Variants in LMCD1 observed in about 807,000 individuals in gnomAD.
LMCD1 encodes LIM and cysteine rich domains 1, also known as LIM and cysteine-rich domains protein 1.
In LMCD1, 32 loss-of-function variants were observed where a neutral mutation model predicts 42.7. The ratio of observed to expected loss-of-function variants is 0.75; its 90% CI spans 0.57 to 1.01. LMCD1 has a LOEUF of 1.01. Among genes scored for constraint, LMCD1 ranks in the 50% least tolerant of loss-of-function variants. The probability of loss-of-function intolerance (pLI) is 0.00; values close to 1 mark genes in which losing one functional copy is unlikely to be tolerated. For synonymous variants in LMCD1, 178 were observed against 184.9 expected (o/e 0.96, Z 0.30); for missense variants, 458 against 483.1 (o/e 0.95, Z 0.49).
At position 8,516,591 on chromosome 3, in the gene LMCD1, T is replaced by TA. The variant is rs112341331; in HGVS notation, c.42+14621dup. ...TGAAAACTTAGAGTTGGCACTCCTT[T>TA]AAAAAAAAAATGCTTAATATCAGCA... On this transcript the variant is annotated intron_variant, in intron 1 of 5. Coordinates refer to ENST00000157600, the MANE Select transcript of LMCD1 (RefSeq NM_014583.4). Among the ~76,000 whole-genome samples the TA allele has an allele frequency of 3.1e-4, 46 of 149,490 alleles. 1 individual carries two copies. The highest frequency in any genetic ancestry group is 6.8e-3 in the Middle Eastern group (2 of 292).
rs1266182927 is a variant in LMCD1 at position 8,569,501 on chromosome 3, A to G, written c.*1903A>G. 6.6e-6 allele frequency: 1 copy of G among 152,214 alleles called. No homozygotes were observed. Among genetic ancestry groups the G allele is most frequent in the Non-Finnish European group, 1.5e-5 (1 of 68,044 alleles). The allele number at this position is 152,214 out of a possible 1,614,324, so 9.4% of individuals were successfully genotyped here. ...AGGGGATGCGGGGTGCACAAAAAGA[A>G]CAGTGACCCCTACGCCCATAGATGT... On this transcript the variant is annotated 3_prime_UTR_variant, in exon 6 of 6. Coordinates refer to ENST00000157600, the MANE Select transcript of LMCD1 (RefSeq NM_014583.4).
rs528780829 is a variant in LMCD1 at position 8,565,611 on chromosome 3, C to G, written c.903C>G (p.Cys301Trp). 11 of 1,611,128 alleles carry G rather than the reference C, an allele frequency of 6.8e-6. No homozygotes were observed. The African/African-American group carries it at 1.3e-4, about 20-fold the overall frequency. The change falls in exon 5 of 6, where the codon TGC (cysteine) becomes TGG (tryptophan). Residue 301 changes from cysteine to tryptophan, a missense_variant. By Grantham distance (215) the Cys-to-Trp change is radical. Coordinates refer to ENST00000157600, the MANE Select transcript of LMCD1 (RefSeq NM_014583.4). Reference sequence around the variant, plus strand: ...CACCCTGGTGCGGCCGCCATTACTGCGAGAGTCTGCGGCCCCGGTGCTCCG... The same window carrying G: ...CACCCTGGTGCGGCCGCCATTACTGGGAGAGTCTGCGGCCCCGGTGCTCCG... ...DGAPWCGRHY[C>W]ESLRPRCSGC...
At chr3:8,513,417 G>T (rs756266002) in intron 1 of LMCD1, among the ~76,000 whole-genome samples, 1 of 152,108 alleles carries the variant, frequency 6.6e-6, no homozygotes, top group African/African-American at 2.4e-5. Flanking sequence ...CCTCACTCAG[G>T]TGGGGAAGCC....
At chr3:8,535,956 C>T (rs1694499853) in intron 2 of LMCD1, among the ~76,000 whole-genome samples, 1 of 152,292 alleles carries the variant, frequency 6.6e-6, no homozygotes, top group East Asian at 1.9e-4. Flanking sequence ...CTGGGACAAT[C>T]GAAGATGTCT....
At chr3:8,558,842 A>G (rs569322710) in intron 4 of LMCD1, among the ~76,000 whole-genome samples, 1 of 152,316 alleles carries the variant, frequency 6.6e-6, no homozygotes, top group East Asian at 1.9e-4. Flanking sequence ...AGTCTATAAC[A>G]GCGGTTCTCA....
At chr3:8,536,302 G>A (rs974955301) in intron 2 of LMCD1, among the ~76,000 whole-genome samples, 2 of 152,186 alleles carry the variant, frequency 1.3e-5, no homozygotes, top group Admixed American at 6.5e-5. Flanking sequence ...GGAGGGGAGC[G>A]ATTTTCCTCT....
At chr3:8,555,273 T>C (rs966792445) in intron 4 of LMCD1, among the ~76,000 whole-genome samples, 8 of 152,052 alleles carry the variant, frequency 5.3e-5, no homozygotes, top group Non-Finnish European at 1.2e-4. Flanking sequence ...AAGGACATAT[T>C]TGTGGGCAAG....
At chr3:8,512,628 T>G (rs1694023907) in intron 1 of LMCD1, among the ~76,000 whole-genome samples, 1 of 152,232 alleles carries the variant, frequency 6.6e-6, no homozygotes, top group Non-Finnish European at 1.5e-5. Context: ...AACCCTATAA[T>G]GAGATTCCCA....
chr3:8,538,018 C>T (rs562396006), intron 3 of LMCD1, among the ~76,000 whole-genome samples: 2 of 152,282 alleles, frequency 1.3e-5, no homozygotes, highest in East Asian at 3.9e-4. Flanking sequence ...GCAAGTGACT[C>T]ACACAAGGTT....
intron 1 of LMCD1, among the ~76,000 whole-genome samples, chr3:8,504,122 T>C (rs574481242): frequency 1.3e-4 from 20 of 152,258 alleles, no homozygotes; most frequent in Non-Finnish European, 2.8e-4. Context: ...ATTTTTTTTA[T>C]CTCTTGGGAC....
At chr3:8,562,010 A>C (rs1456847854) in intron 4 of LMCD1, among the ~76,000 whole-genome samples, 1 of 152,236 alleles carries the variant, frequency 6.6e-6, no homozygotes, top group Non-Finnish European at 1.5e-5. Flanking sequence ...TGAATGAACC[A>C]GTGAATGAAT....
chr3:8,532,700 T>C (rs1694434965), intron 1 of LMCD1, 37 bp from the exon 2 acceptor site: 1 of 1,589,108 alleles, frequency 6.3e-7, no homozygotes, highest in African/African-American at 1.3e-5. Context: ...CCAAGATGTT[T>C]GGAAGGAAAA....
At chr3:8,559,234 G>T (rs1164229309) in intron 4 of LMCD1, among the ~76,000 whole-genome samples, 1 of 152,206 alleles carries the variant, frequency 6.6e-6, no homozygotes, top group Non-Finnish European at 1.5e-5. Context: ...TGGTATCATG[G>T]AAGGAAATCC....
intron 1 of LMCD1, among the ~76,000 whole-genome samples, chr3:8,525,379 G>T (rs1694280901): frequency 6.6e-6 from 1 of 152,022 alleles, no homozygotes; most frequent in Admixed American, 6.5e-5. Context: ...ATTCCTTTTT[G>T]AGGCTGAATA....
In LMCD1 at chr3:8,532,733, C is replaced by T; in HGVS notation, c.43-4C>T. On this transcript the variant is annotated splice_region_variant and splice_polypyrimidine_tract_variant and intron_variant, in intron 1 of 5. Transcript: ENST00000157600. The stretch of plus-strand genomic sequence containing the variant: ...AAACACCCTCTTTTCTGTTCCTTTT[C>T]CAGATGTCCCTGGGCCAGCTGCAGT... The T allele has an allele frequency of 6.2e-7, 1 of 1,613,614 alleles. No homozygotes were observed. The highest frequency in any genetic ancestry group is 8.5e-7 in the Non-Finnish European group (1 of 1,179,612).
At chr3:8,555,358 G>T (rs1324719488) in intron 4 of LMCD1, among the ~76,000 whole-genome samples, 1 of 152,158 alleles carries the variant, frequency 6.6e-6, no homozygotes, top group Non-Finnish European at 1.5e-5. Flanking sequence ...TTTCCTGCCA[G>T]CCCCACTTGG....
chr3:8,519,818 T>C (rs1694167007), intron 1 of LMCD1, among the ~76,000 whole-genome samples: 1 of 151,924 alleles, frequency 6.6e-6, no homozygotes, highest in South Asian at 2.1e-4. Context: ...GAAAACATCT[T>C]GCTGAAGGCA....
intron 2 of LMCD1, among the ~76,000 whole-genome samples, chr3:8,534,315 C>T (rs1694472213): frequency 6.6e-6 from 1 of 151,898 alleles, no homozygotes; most frequent in Admixed American, 6.6e-5. Context: ...TTCTGGTTTT[C>T]CAGTTGTTCA....
chr3:8,536,159 C>T (rs1356645816), intron 2 of LMCD1, among the ~76,000 whole-genome samples: 1 of 152,150 alleles, frequency 6.6e-6, no homozygotes, highest in East Asian at 1.9e-4. Flanking sequence ...GCTGCAGTGA[C>T]CTCCCTTGCT....
Sources: gnomAD v4.1 joint callset for allele counts (sites outside exome capture counted in the v4.1 genomes callset) on GRCh38, gnomAD v4.1.1 for gene constraint, MANE v1.5 for transcripts, NCBI Gene and HGNC (gene_info 2026-07-23, HGNC 2026-07-21) for gene names.